The following SHC2 variants were observed in gnomAD, a reference collection of about 807,000 sequenced individuals.
SHC2 encodes the protein SHC adaptor protein 2, also known as SHC-transforming protein 2.
Under a neutral mutation model 60.6 loss-of-function variants are expected in SHC2, and 62 were observed. The ratio of observed to expected loss-of-function variants is 1.02; its 90% CI spans 0.83 to 1.26. The LOEUF is 1.26. SHC2 is among the 50% of genes most tolerant of loss of function. SHC2 has a pLI of 0.00. For missense variants in SHC2, 873 were observed against 822.2 expected, an observed-to-expected ratio of 1.06 and a Z score of -0.76; for synonymous variants, 375 against 372.4, an observed-to-expected ratio of 1.01 and a Z score of -0.08.
In SHC2 at chr19:440,792, G is replaced by T; in HGVS notation, c.539+70C>A. ...GGCTGTCGGAGAGCCCATCGCTGCC[G>T]CCCTCCAGTGCTGCCGCCCTCCAGT... On this transcript the variant is annotated intron_variant, in intron 2 of 12. Coordinates refer to ENST00000264554, the MANE Select transcript of SHC2 (RefSeq NM_012435.3). The surrounding 1 kb of genome is among the most constrained non-coding windows in gnomAD (Gnocchi z 7.0). The T allele has an allele frequency of 2.9e-6, 4 of 1,359,728 alleles. No individual in the cohort carries two copies. The highest frequency in any genetic ancestry group is 3.4e-5 in the Admixed American group (2 of 58,550). The allele number at this position is 1,359,728 out of a possible 1,614,324, so 84.2% of individuals were successfully genotyped here.
rs562632330 is a variant in SHC2, at chr19:424,833, G to A, written c.1309+264C>T. 9.3e-4 allele frequency among the ~76,000 whole-genome samples: 141 copies of A among 152,272 alleles called. No homozygotes were observed. Among genetic ancestry groups the A allele is most frequent in the African/African-American group, 3.1e-3 (127 of 41,566 alleles). On this transcript the variant is annotated intron_variant, in intron 10 of 12. Transcript: ENST00000264554. The surrounding 1 kb of genome is among the most constrained non-coding windows in gnomAD (Gnocchi z 4.5). ...GCCTCACCCATTACACTGCTCGGCC[G>A]CATTCGCTAGAGAGAATGGGCCTCC...
chr19:444,372 T>C lies in SHC2; in HGVS notation c.469-3440A>G, dbSNP rs117932318. On this transcript the variant is annotated intron_variant, in intron 1 of 12. Transcript: ENST00000264554. ...GCATGTGCCTCTGGGATGATGTCTG[T>C]GCCAGTGTCTGGCGCTACAGGGCCA... 5.0e-3 allele frequency among the ~76,000 whole-genome samples: 764 copies of C among 152,244 alleles called. 2 individuals are homozygous for C. Among genetic ancestry groups the C allele is most frequent in the Non-Finnish European group, 8.0e-3 (545 of 67,994 alleles).
rs533482127 is a variant in SHC2 at position 445,832 on chromosome 19, G to A, written c.469-4900C>T. On this transcript the variant is annotated intron_variant, in intron 1 of 12. Transcript: ENST00000264554. This position sits in a 1 kb window ranked among gnomAD's most constrained non-coding sequence, Gnocchi z 4.4. The stretch of plus-strand genomic sequence containing the variant: ...GTGGATCACTTGAGGTCAGGAGTTT[G>A]AGACTAGCCTGGCCAACATGGAGAA... Among the ~76,000 whole-genome samples, 6 of 152,212 alleles carry A rather than the reference G, an allele frequency of 3.9e-5. No individual in the cohort carries two copies. Among genetic ancestry groups the A allele is most frequent in the South Asian group, 4.1e-4 (2 of 4,822 alleles).
chr19:442,517 G>A (rs1974903177), intron 1 of SHC2, among the ~76,000 whole-genome samples: 1 of 95,216 alleles, frequency 1.1e-5, no homozygotes, highest in East Asian at 3.2e-4. Flanking sequence ...ATGGATGGAT[G>A]GATGGGTGGG....
At chr19:419,127 C>A (rs1974215412) in intron 11 of SHC2, 71 bp from the exon 12 acceptor site, 2 of 1,481,102 alleles carry the variant, frequency 1.4e-6, no homozygotes, top group African/African-American at 2.8e-5. Flanking sequence ...TATTGGCGTT[C>A]TGGGGTCCTG....
intron 11 of SHC2, among the ~76,000 whole-genome samples, chr19:420,855 AC>A (rs1974251633): frequency 7.0e-6 from 1 of 142,594 alleles, no homozygotes; most frequent in Non-Finnish European, 1.5e-5. Context: ...TTCGAGACCA[AC>A]CTGGCCAACA....
At position 457,218 on chromosome 19, in the gene SHC2, C is replaced by T. The variant is rs370412170; in HGVS notation, c.468+3311G>A. Reference sequence around the variant, plus strand: ...AGAACTCTGTCTGCAAACCCCACCACATCAGGCCTTTGCACCTGCACCTGC... The same window carrying T: ...AGAACTCTGTCTGCAAACCCCACCATATCAGGCCTTTGCACCTGCACCTGC... On this transcript the variant is annotated intron_variant, in intron 1 of 12. Coordinates refer to ENST00000264554, the MANE Select transcript of SHC2 (RefSeq NM_012435.3). 1.8e-3 allele frequency among the ~76,000 whole-genome samples: 240 copies of T among 131,660 alleles called. 1 individual carries two copies. The highest frequency in any genetic ancestry group is 6.1e-3 in the African/African-American group (193 of 31,430). The allele number at this position is 131,660 out of a possible 152,430, so 86.4% of individuals were successfully genotyped here.
intron 11 of SHC2, among the ~76,000 whole-genome samples, chr19:420,196 G>A (rs997760779): frequency 1.3e-5 from 2 of 152,220 alleles, no homozygotes; most frequent in African/African-American, 4.8e-5. Flanking sequence ...CCAGGCTAGA[G>A]GCTAGGCAGT....
In SHC2 at chr19:438,563, G is replaced by A. The variant is rs1974773651; in HGVS notation, c.720+155C>T. On this transcript the variant is annotated intron_variant, in intron 4 of 12. Transcript: ENST00000264554. This position sits in a 1 kb window ranked among gnomAD's most constrained non-coding sequence, Gnocchi z 5.0. ...TGAGCTGAGCCCCGTGAGGGCAGTG[G>A]CTGCACCCCCAGCTCCTGCTCAGCG... 2.6e-5 allele frequency among the ~76,000 whole-genome samples: 4 copies of A among 152,194 alleles called. No individual in the cohort carries two copies. The highest frequency in any genetic ancestry group is 1.3e-4 in the Admixed American group (2 of 15,280).
At chr19:442,952 T>TA (rs1974937641) in intron 1 of SHC2, among the ~76,000 whole-genome samples, 1 of 110,514 alleles carries the variant, frequency 9.0e-6, no homozygotes, top group African/African-American at 3.6e-5. Flanking sequence ...GGTGAATGGA[T>TA]GGATGGACGG....
rs761499138 is a variant in SHC2, at chr19:438,703, A to C, written c.720+15T>G. 62 of 1,546,996 alleles carry C rather than the reference A, an allele frequency of 4.0e-5. No individual in the cohort carries two copies. The highest frequency in any genetic ancestry group is 5.9e-5 in the Admixed American group (3 of 50,772). On this transcript the variant is annotated intron_variant, in intron 4 of 12. Transcript: ENST00000264554. The surrounding 1 kb of genome is among the most constrained non-coding windows in gnomAD (Gnocchi z 5.0). ...CTGGGGGTCTGGGGACGCCAGGCGA[A>C]GAGGGCAGACCCACCTGGCGCGTGG...
chr19:451,040 ACAT>A (rs1403093402), intron 1 of SHC2, among the ~76,000 whole-genome samples: 3 of 130,412 alleles, frequency 2.3e-5, no homozygotes, highest in African/African-American at 6.0e-5. Context: ...CGCCGTGGCC[ACAT>A]CATATTTCAG....
At chr19:420,429 A>G (rs893139842) in intron 11 of SHC2, among the ~76,000 whole-genome samples, 2 of 152,210 alleles carry the variant, frequency 1.3e-5, no homozygotes, top group African/African-American at 2.4e-5. Context: ...ACGCTCTGAG[A>G]GGCCTCCGAA....
At chr19:429,729 C>T (rs1013822358) in intron 9 of SHC2, among the ~76,000 whole-genome samples, 3 of 146,232 alleles carry the variant, frequency 2.1e-5, no homozygotes, top group Non-Finnish European at 3.0e-5. Context: ...GTGGATGACG[C>T]AGTACCTATA....
In SHC2 at chr19:441,073, T is replaced by C; in HGVS notation, c.469-141A>G. On this transcript the variant is annotated intron_variant, in intron 1 of 12. Transcript: ENST00000264554. This position sits in a 1 kb window ranked among gnomAD's most constrained non-coding sequence, Gnocchi z 4.9. ...GTCCCTGGTGGCTCTGGGGCCGTCG[T>C]GCCTCCCCCACCTCAAGGCCCAGCC... 6.7e-7 allele frequency: 1 copy of C among 1,493,254 alleles called. No homozygotes were observed. Among genetic ancestry groups the C allele is most frequent in the Non-Finnish European group, 9.0e-7 (1 of 1,115,368 alleles). 92.5% of individuals were successfully genotyped at this position (1,493,254 alleles called of 1,614,324 possible).
chr19:424,556 C>T lies in SHC2; in HGVS notation c.1309+541G>A, dbSNP rs552944641. Among the ~76,000 whole-genome samples, 12 of 152,272 alleles carry T rather than the reference C, an allele frequency of 7.9e-5. No individual in the cohort carries two copies. The highest frequency in any genetic ancestry group is 1.5e-4 in the Non-Finnish European group (10 of 68,022). On this transcript the variant is annotated intron_variant, in intron 10 of 12. Transcript: ENST00000264554. This position sits in a 1 kb window ranked among gnomAD's most constrained non-coding sequence, Gnocchi z 4.5. ...CCTCCCCTCTCAGACTAAGGAGTCCCATGGGGCGAGGGTCTGGCTTCCCCT... is the reference window on the plus strand; with the variant it reads ...CCTCCCCTCTCAGACTAAGGAGTCCTATGGGGCGAGGGTCTGGCTTCCCCT...
At position 430,682 on chromosome 19, in the gene SHC2, A is replaced by G. The variant is rs777396068; in HGVS notation, c.1174+2T>C. On this transcript the variant is annotated splice_donor_variant, in intron 9 of 12. Transcript: ENST00000264554. LOFTEE classifies it high-confidence loss of function. ...ACCCCTTGCAGCCCCAGCCCATCCT[A>G]CCTGTACCGGTGGACCCCACGTCCC... 4 of 1,612,660 alleles carry G rather than the reference A, an allele frequency of 2.5e-6. No individual in the cohort carries two copies. In the South Asian group the frequency reaches 3.3e-5, roughly 13 times the overall value.
At chr19:454,766 A>G (rs994728794) in intron 1 of SHC2, among the ~76,000 whole-genome samples, 3 of 150,954 alleles carry the variant, frequency 2.0e-5, no homozygotes, top group African/African-American at 7.3e-5. Flanking sequence ...CTCCAGCCTC[A>G]GCAACAAGAG....
Position 452,504 on chromosome 19 carries a change from G to A in SHC2, c.468+8025C>T, listed in dbSNP as rs35254598. ...GGGGCATCGTACTGACTTGGGGGGA[G>A]TTCCTGCGTAGGTGTGCGTTTCTCC... On this transcript the variant is annotated intron_variant, in intron 1 of 12. Transcript: ENST00000264554. 8.7e-4 allele frequency among the ~76,000 whole-genome samples: 87 copies of A among 100,436 alleles called. 1 individual carries two copies. The highest frequency in any genetic ancestry group is 1.3e-3 in the East Asian group (4 of 3,040). 65.9% of individuals were successfully genotyped at this position (100,436 alleles called of 152,430 possible). A position where few individuals can be genotyped will look rare whatever the true frequency, so the allele number is the denominator to read the frequency against.
Sources: allele counts gnomAD v4.1 joint callset (sites outside exome capture counted in the v4.1 genomes callset), GRCh38; gene constraint gnomAD v4.1.1; non-coding constraint Gnocchi (gnomAD v3.1); transcripts MANE v1.5; gene names NCBI Gene and HGNC (gene_info 2026-07-23, HGNC 2026-07-21).